Variants in TRIO observed in about 807,000 individuals in gnomAD.
TRIO encodes the protein trio Rho guanine nucleotide exchange factor.
A neutral mutation model predicts 351.9 loss-of-function variants in TRIO; 58 were observed. The ratio of observed to expected loss-of-function variants is 0.16; its 90% CI spans 0.13 to 0.21. The LOEUF (loss-of-function observed/expected upper bound fraction) is 0.21, where lower values mean the gene tolerates loss of function less well. Among genes scored for constraint, TRIO ranks in the 10% least tolerant of loss-of-function variants. The pLI, the probability that TRIO is intolerant of heterozygous loss-of-function variation, is 1.00. For missense variants in TRIO, 3,201 were observed against 4,027.8 expected (o/e 0.79, Z 5.56); for synonymous variants, 1,758 against 1,595.7 (o/e 1.10, Z -2.42).
Position 14,485,188 on chromosome 5 carries a change from G to A in TRIO, c.6777G>A (p.Arg2259=). 6.3e-7 allele frequency: 1 copy of A among 1,586,682 alleles called. No individual in the cohort carries two copies. The highest frequency in any genetic ancestry group is 1.1e-5 in the South Asian group (1 of 89,014). Residue 2259 remains arginine (R), a synonymous_variant, in exon 47 of 57, where the codon CGG becomes CGA. Transcript: ENST00000344204. The stretch of plus-strand genomic sequence containing the variant: ...TGCATTCATCTAGTCCAAGTGTCCG[G>A]CAAACTTGGATCCATGAAATCAACC... ...FILHSSSPSV[R]QTWIHEINQI... is the part of the protein sequence containing the mutation.
intron 34 of TRIO, among the ~76,000 whole-genome samples, chr5:14,429,001 C>T (rs922364969): frequency 3.9e-5 from 6 of 152,222 alleles, no homozygotes; most frequent in African/African-American, 1.4e-4. Context: ...AGACATCAGA[C>T]TTTGCTACTT....
chr5:14,400,923 T>C, intron 30 of TRIO, 40 bp from the exon 31 acceptor site: 1 of 1,594,578 alleles, frequency 6.3e-7, no homozygotes, highest in Middle Eastern at 1.7e-4. Context: ...CCTTCTAGAA[T>C]TTTACTGTCA....
At chr5:14,305,757 G>A (rs1009872325) in intron 8 of TRIO, among the ~76,000 whole-genome samples, 2 of 152,186 alleles carry the variant, frequency 1.3e-5, no homozygotes, top group Admixed American at 6.5e-5. Flanking sequence ...GTCCCTGAGC[G>A]AATTAAATGG....
At chr5:14,393,915 T>A in intron 27 of TRIO, 123 bp from the exon 28 acceptor site, 2 of 538,744 alleles carry the variant, frequency 3.7e-6, no homozygotes, top group Non-Finnish European at 6.3e-6. Flanking sequence ...AAGGAAACTT[T>A]ATTATTTCAG....
In TRIO at chr5:14,488,248, C is replaced by T. The variant is rs774869963; in HGVS notation, c.7620C>T (p.Thr2540=). The change falls in exon 48 of 57, where the codon ACC becomes ACT. Residue 2540 remains threonine (T), a synonymous_variant. Transcript: ENST00000344204. The part of the protein sequence containing the change: ...SSASEQSVQS[T]QSNGSESSSS... ...CCAGCGAGCAGTCCGTGCAGTCCAC[C>T]CAGAGCAACGGGGTAAGCGCGTCGG... 4 of 1,576,684 alleles carry T rather than the reference C, an allele frequency of 2.5e-6. No individual in the cohort carries two copies. The highest frequency in any genetic ancestry group is 3.5e-5 in the Admixed American group (2 of 56,972).
rs1418970161 is a variant in TRIO, at chr5:14,485,086, G to T, written c.6675G>T (p.Leu2225=). ...TTTTTAAGGTGAGTTGCCTTTGCCT[G>T]GAGGAAAATGTGGAAAATGATCCCT... is the stretch of plus-strand genomic sequence containing the variant. ...KNSIKVSCLC[L]EENVENDPCK... The change falls in exon 47 of 57, where the codon CTG becomes CTT. Residue 2225 remains leucine (L), a synonymous_variant. Coordinates refer to ENST00000344204, the MANE Select transcript of TRIO (RefSeq NM_007118.4). 3 of 1,540,352 alleles carry T rather than the reference G, an allele frequency of 1.9e-6. No homozygotes were observed. In the African/African-American group the frequency reaches 4.1e-5, roughly 21 times the overall value.
At chr5:14,148,081 C>G (rs1787618476) in intron 1 of TRIO, among the ~76,000 whole-genome samples, 1 of 152,168 alleles carries the variant, frequency 6.6e-6, no homozygotes, top group Non-Finnish European at 1.5e-5. Flanking sequence ...TGTAAACCGA[C>G]ATATTGATGT....
intron 40 of TRIO, 45 bp downstream of exon 40, chr5:14,474,142 A>G: frequency 1.3e-6 from 2 of 1,577,648 alleles, no homozygotes; most frequent in South Asian, 2.2e-5. Flanking sequence ...AAGCAGCCAC[A>G]CTTGCTAAAC....
At chr5:14,405,636 T>C (rs778285725) in intron 31 of TRIO, among the ~76,000 whole-genome samples, 6 of 152,196 alleles carry the variant, frequency 3.9e-5, no homozygotes, top group African/African-American at 7.2e-5. Flanking sequence ...TGGAGTAATA[T>C]ACGTGCTATA....
At chr5:14,311,255 T>C (rs1361138093) in intron 8 of TRIO, among the ~76,000 whole-genome samples, 1 of 152,230 alleles carries the variant, frequency 6.6e-6, no homozygotes, top group Non-Finnish European at 1.5e-5. Flanking sequence ...ACGTTTCCTG[T>C]TTTGGTCTTA....
rs763445901 is a variant in TRIO at position 14,316,494 on chromosome 5, T to C, written c.1501-19T>C. 1 of 1,612,980 alleles carries C rather than the reference T, an allele frequency of 6.2e-7. No homozygotes were observed. Among genetic ancestry groups the C allele is most frequent in the East Asian group, 2.2e-5 (1 of 44,868 alleles). On this transcript the variant is annotated intron_variant, in intron 8 of 56. Coordinates refer to ENST00000344204, the MANE Select transcript of TRIO (RefSeq NM_007118.4). ...CAAACCTCAGATCGTGAAGAATCAC[T>C]CATTTCTTTTGTGGGCAGGTCAGCC...
At chr5:14,319,178 G>A (rs1375567423) in intron 9 of TRIO, among the ~76,000 whole-genome samples, 1 of 152,186 alleles carries the variant, frequency 6.6e-6, no homozygotes, top group Non-Finnish European at 1.5e-5. Flanking sequence ...AGGAGAAAGT[G>A]TTTTTTGCAA....
Position 14,381,256 on chromosome 5 carries a change from G to A in TRIO, c.3570+4G>A. On this transcript the variant is annotated splice_donor_region_variant and intron_variant, in intron 21 of 56. Coordinates refer to ENST00000344204, the MANE Select transcript of TRIO (RefSeq NM_007118.4). ...GGAGTTCCAGATAACTGCAAAGGTG[G>A]GTTCAGAGTGTACTTTGTATAGTGG... The A allele has an allele frequency of 1.9e-6, 3 of 1,604,778 alleles. No individual in the cohort carries two copies. Among genetic ancestry groups the A allele is most frequent in the Non-Finnish European group, 2.5e-6 (3 of 1,177,296 alleles).
intron 1 of TRIO, among the ~76,000 whole-genome samples, chr5:14,150,854 G>A (rs971471201): frequency 6.6e-6 from 1 of 152,186 alleles, no homozygotes; most frequent in Non-Finnish European, 1.5e-5. Flanking sequence ...TAGGGTAATG[G>A]TAAAGATAGA....
chr5:14,174,443 C>G lies in TRIO; in HGVS notation c.157+30561C>G, dbSNP rs570871129. Among the ~76,000 whole-genome samples, 118 of 152,260 alleles carry G rather than the reference C, an allele frequency of 7.7e-4. 5 individuals carry two copies. In the South Asian group the frequency reaches 0.023, roughly 30 times the overall value. ...TCTCCCTAGGGGTCGGCTTTATGCC[C>G]GCCTGCCTCTCTATCTACCCAGTCA... On this transcript the variant is annotated intron_variant, in intron 1 of 56. Coordinates refer to ENST00000344204, the MANE Select transcript of TRIO (RefSeq NM_007118.4).
intron 1 of TRIO, among the ~76,000 whole-genome samples, chr5:14,147,075 G>C (rs563551843): frequency 5.8e-4 from 89 of 152,154 alleles, no homozygotes; most frequent in Non-Finnish European, 1.1e-3. Context: ...TTTTCTGCAG[G>C]TGTTAGTGAA....
At chr5:14,398,443 C>T (rs1284370918) in intron 29 of TRIO, among the ~76,000 whole-genome samples, 2 of 152,080 alleles carry the variant, frequency 1.3e-5, no homozygotes, top group Admixed American at 1.3e-4. Context: ...GGGAAGGATG[C>T]TCTGGGCTGA....
At chr5:14,321,275 G>A (rs546983904) in intron 9 of TRIO, among the ~76,000 whole-genome samples, 8 of 152,352 alleles carry the variant, frequency 5.3e-5, no homozygotes, top group South Asian at 2.1e-4. Flanking sequence ...TCCAAGGAGC[G>A]GCAAGTGCCT....
chr5:14,377,669 AT>A (rs1157092447), intron 19 of TRIO, among the ~76,000 whole-genome samples: 3 of 151,836 alleles, frequency 2.0e-5, no homozygotes, highest in Non-Finnish European at 2.9e-5. Flanking sequence ...AAAAATGCTG[AT>A]TTTTTTTCAG....
Sources: allele counts gnomAD v4.1 joint callset (sites outside exome capture counted in the v4.1 genomes callset), GRCh38; gene constraint gnomAD v4.1.1; transcripts MANE v1.5; gene names NCBI Gene and HGNC (gene_info 2026-07-23, HGNC 2026-07-21).